The following DIP2C variants were observed in gnomAD, a reference collection of about 807,000 sequenced individuals.
DIP2C encodes DIP2 acetate--CoA ligase C (putative).
Under a neutral mutation model 192.4 loss-of-function variants are expected in DIP2C, and 33 were observed. The ratio of observed to expected loss-of-function variants is 0.17; its 90% confidence interval spans 0.13 to 0.23. The LOEUF is 0.23. DIP2C is among the 10% of genes least tolerant of loss of function. DIP2C has a pLI of 1.00. For synonymous variants in DIP2C, 979 were observed against 864.1 expected, an observed-to-expected ratio of 1.13 and a Z score of -2.33; for missense variants, 1,537 against 2,110.1, an observed-to-expected ratio of 0.73 and a Z score of 5.32.
At chr10:302,527 TA>T in intron 32 of DIP2C, among the ~76,000 whole-genome samples, 1 of 151,972 alleles carries the variant, frequency 6.6e-6, no homozygotes, top group Admixed American at 6.6e-5. Flanking sequence ...AAGCTGGAGG[TA>T]AAAAGTACAG....
chr10:564,761 C>T (rs567388385), intron 1 of DIP2C, among the ~76,000 whole-genome samples: 3 of 152,260 alleles, frequency 2.0e-5, no homozygotes, highest in South Asian at 2.1e-4. Flanking sequence ...TCAGCCTACT[C>T]GGCCGAACAC....
chr10:403,802 A>G (rs1964594716), intron 9 of DIP2C, among the ~76,000 whole-genome samples: 1 of 145,698 alleles, frequency 6.9e-6, no homozygotes, highest in Admixed American at 6.9e-5. Context: ...ACTCTTCCTT[A>G]TGGACAAGTT....
chr10:287,669 GA>G (rs34102226), intron 33 of DIP2C, among the ~76,000 whole-genome samples: 45,117 of 123,836 alleles, frequency 0.36, 7,589 homozygotes, highest in East Asian at 0.48. Context: ...GGCCGAAACG[GA>G]AAAAAAAAAA....
At chr10:556,592 A>ATC (rs966900376) in intron 1 of DIP2C, among the ~76,000 whole-genome samples, 2 of 151,266 alleles carry the variant, frequency 1.3e-5, no homozygotes, top group Non-Finnish European at 2.9e-5. Flanking sequence ...ACGTGTCACC[A>ATC]TCTGCTATAG....
chr10:328,478 C>G (rs1589496205), intron 30 of DIP2C, among the ~76,000 whole-genome samples: 1 of 152,172 alleles, frequency 6.6e-6, no homozygotes, highest in African/African-American at 2.4e-5. Context: ...TACTGACCCT[C>G]AACTATGTCA....
At chr10:634,426 GTGGTTT>G (rs1407878496) in intron 1 of DIP2C, among the ~76,000 whole-genome samples, 1 of 152,236 alleles carries the variant, frequency 6.6e-6, no homozygotes, top group Non-Finnish European at 1.5e-5. Flanking sequence ...GGAGAATGAG[GTGGTTT>G]CAGGTTGCTA....
intron 1 of DIP2C, among the ~76,000 whole-genome samples, chr10:504,262 G>T (rs1191082868): frequency 6.6e-6 from 1 of 152,222 alleles, no homozygotes. Flanking sequence ...GGAGAATAAA[G>T]GCCACGCTGG....
chr10:541,792 C>T (rs1382015852), intron 1 of DIP2C, among the ~76,000 whole-genome samples: 1 of 151,986 alleles, frequency 6.6e-6, no homozygotes, highest in South Asian at 2.1e-4. Flanking sequence ...TTCACCTGAC[C>T]ACACCTGTCT....
intron 29 of DIP2C, among the ~76,000 whole-genome samples, chr10:330,544 G>A (rs1957458161): frequency 6.6e-6 from 1 of 152,058 alleles, no homozygotes; most frequent in Non-Finnish European, 1.5e-5. Context: ...CCAGGCTAGA[G>A]TAGGGTGGTG....
chr10:387,497 G>A (rs946942692), intron 14 of DIP2C, among the ~76,000 whole-genome samples: 4 of 147,724 alleles, frequency 2.7e-5, no homozygotes, highest in Non-Finnish European at 6.0e-5. Flanking sequence ...TGCGGGCGGC[G>A]GGGGGGCGAC....
intron 29 of DIP2C, among the ~76,000 whole-genome samples, chr10:336,753 A>G (rs11251798): frequency 0.43 from 65,180 of 152,184 alleles, 16,287 homozygotes; most frequent in Non-Finnish European, 0.58. Context: ...CCTGTCCCTG[A>G]AGGCCCTCCA....
intron 10 of DIP2C, 84 bp from the exon 11 acceptor site, chr10:390,947 A>AGACC (rs1289019048): frequency 3.4e-5 from 53 of 1,546,486 alleles, no homozygotes; most frequent in Non-Finnish European, 4.4e-5. Context: ...GCGTTCACAC[A>AGACC]GACCCTCGAG....
At position 364,491 on chromosome 10, in the gene DIP2C, A is replaced by G. The variant is rs1156996823; in HGVS notation, c.2360T>C (p.Val787Ala). The G allele has an allele frequency of 3.7e-6, 6 of 1,614,032 alleles. No homozygotes were observed. Among genetic ancestry groups the G allele is most frequent in the Non-Finnish European group, 5.1e-6 (6 of 1,180,036 alleles). Residue 787 changes from valine to alanine, a missense_variant, in exon 20 of 37, where the codon GTC becomes GCC. Physicochemically the swap from Val to Ala is moderately conservative, Grantham distance 64. Around this residue, in one of 4 missense-constraint regions of DIP2C, gnomAD observed 677 missense variants for 989.9 expected, o/e 0.68. Transcript: ENST00000280886. ...LLGFVGPGGL[V>A]FVVGKMDGLM... ...GCCATCCATCTTGCCCACCACGAAG[A>G]CGAGGCCTCCGGGACCCACGAACCC...
At chr10:336,674 G>A (rs540397295) in intron 29 of DIP2C, among the ~76,000 whole-genome samples, 2 of 152,352 alleles carry the variant, frequency 1.3e-5, no homozygotes, top group South Asian at 2.1e-4. Context: ...AACAGCCTCA[G>A]TGGGTCCTTC....
At chr10:347,851 CCCAGACGCG>C (rs1958582915) in intron 26 of DIP2C, among the ~76,000 whole-genome samples, 1 of 111,926 alleles carries the variant, frequency 8.9e-6, no homozygotes, top group African/African-American at 3.2e-5. Context: ...CCCACACGCA[CCCAGACGCG>C]TCGCGCATAG....
chr10:416,731 A>G (rs922633973), intron 6 of DIP2C, among the ~76,000 whole-genome samples: 2 of 152,336 alleles, frequency 1.3e-5, no homozygotes, highest in Middle Eastern at 6.8e-3. Context: ...AACAAGACAG[A>G]GGACCAAGAC....
chr10:674,821 G>GAC (rs1564332871), intron 1 of DIP2C, among the ~76,000 whole-genome samples: 2 of 146,458 alleles, frequency 1.4e-5, no homozygotes, highest in African/African-American at 5.1e-5. Context: ...GAGAGAGAGA[G>GAC]AGAGAGAGAC....
intron 1 of DIP2C, among the ~76,000 whole-genome samples, chr10:568,333 C>T (rs11253233): frequency 1.1e-3 from 174 of 152,294 alleles, no homozygotes; most frequent in African/African-American, 4.1e-3. Context: ...TGCGTGAAAT[C>T]AGAGCTAGAG....
chr10:603,323 A>G (rs1169333551), intron 1 of DIP2C, among the ~76,000 whole-genome samples: 1 of 136,868 alleles, frequency 7.3e-6, no homozygotes, highest in Non-Finnish European at 1.6e-5. Context: ...AAAAAAAAAA[A>G]AAAAAAAAAA....
Sources: allele counts gnomAD v4.1 joint callset (sites outside exome capture counted in the v4.1 genomes callset), GRCh38; gene constraint gnomAD v4.1.1; regional missense constraint gnomAD v4.1.1; transcripts MANE v1.5; gene names NCBI Gene and HGNC (gene_info 2026-07-23, HGNC 2026-07-21).